MAGI2: variants seen among roughly 807,000 people sequenced by gnomAD.
MAGI2 encodes membrane associated guanylate kinase, WW and PDZ domain containing 2.
In MAGI2, 35 loss-of-function variants were observed where a neutral mutation model predicts 133.3. The ratio of observed to expected loss-of-function variants is 0.26; its 90% CI spans 0.20 to 0.35. The LOEUF (loss-of-function observed/expected upper bound fraction) is 0.35. MAGI2 is among the 10% of genes least tolerant of loss of function. MAGI2 has a pLI of 1.00. For synonymous variants in MAGI2, 729 were observed against 710.6 expected, an observed-to-expected ratio of 1.03 and a Z score of -0.41; for missense variants, 1,636 against 1,863.4, an observed-to-expected ratio of 0.88 and a Z score of 2.25.
intron 9 of MAGI2, among the ~76,000 whole-genome samples, chr7:78,269,111 AACTC>A (rs1248356731): frequency 2.6e-5 from 4 of 152,320 alleles, no homozygotes; most frequent in African/African-American, 9.6e-5. Context: ...AAAGGACATG[AACTC>A]ACTCTTTTAT....
At chr7:79,430,639 G>A (rs140808477) in intron 1 of MAGI2, among the ~76,000 whole-genome samples, 186 of 152,126 alleles carry the variant, frequency 1.2e-3, no homozygotes, top group Admixed American at 2.2e-3. Context: ...CAAAACCACC[G>A]CAGATATGTA....
chr7:78,385,408 G>A (rs1437674189), intron 6 of MAGI2, among the ~76,000 whole-genome samples: 1 of 152,150 alleles, frequency 6.6e-6, no homozygotes, highest in East Asian at 1.9e-4. Context: ...CAGTGTCAAA[G>A]GCACTGACAG....
intron 2 of MAGI2, among the ~76,000 whole-genome samples, chr7:78,674,207 T>C (rs1022747024): frequency 1.3e-5 from 2 of 150,092 alleles, no homozygotes; most frequent in African/African-American, 4.9e-5. Context: ...TGCAAATACA[T>C]GAAAAATCCA....
In MAGI2 at chr7:79,028,229, ATG is replaced by A. The variant is rs1275738402; in HGVS notation, c.302-21025_302-21024del. On this transcript the variant is annotated intron_variant, in intron 1 of 21. Coordinates refer to ENST00000354212, the MANE Select transcript of MAGI2 (RefSeq NM_012301.4). ...CCATCTCAAAAAAATATATATATAT[ATG>A]TATGTATATATATATATATATATAT... 4.0e-3 allele frequency among the ~76,000 whole-genome samples: 175 copies of A among 44,226 alleles called. 1 individual carries two copies. The highest frequency in any genetic ancestry group is 8.0e-3 in the East Asian group (11 of 1,378). The allele number at this position is 44,226 out of a possible 152,430, so 29.0% of individuals were successfully genotyped here.
chr7:78,087,247 A>G (rs997098811), intron 20 of MAGI2, among the ~76,000 whole-genome samples: 3 of 152,222 alleles, frequency 2.0e-5, no homozygotes, highest in Admixed American at 2.0e-4. Context: ...AGATGGATGA[A>G]TGTTTGAAAA....
chr7:78,888,458 G>C (rs1192533781), intron 2 of MAGI2, among the ~76,000 whole-genome samples: 2 of 152,198 alleles, frequency 1.3e-5, no homozygotes, highest in Non-Finnish European at 2.9e-5. Context: ...CCCCTGAGTA[G>C]CCTAACTGGG....
intron 2 of MAGI2, among the ~76,000 whole-genome samples, chr7:78,712,934 G>T (rs761177805): frequency 9.2e-5 from 14 of 152,102 alleles, no homozygotes; most frequent in Non-Finnish European, 1.8e-4. Context: ...GAAACTATCA[G>T]CCATCTGTAG....
intron 9 of MAGI2, among the ~76,000 whole-genome samples, chr7:78,305,978 A>G (rs1584805659): frequency 6.6e-6 from 1 of 152,208 alleles, no homozygotes; most frequent in East Asian, 1.9e-4. Context: ...CCTTTCAGAG[A>G]ACTCACATTT....
At chr7:78,492,385 A>G (rs1294844239) in intron 5 of MAGI2, among the ~76,000 whole-genome samples, 1 of 152,034 alleles carries the variant, frequency 6.6e-6, no homozygotes, top group Non-Finnish European at 1.5e-5. Flanking sequence ...ACCTCCAGTA[A>G]TTGTCTTAAA....
At chr7:78,903,404 C>A (rs938519058) in intron 2 of MAGI2, among the ~76,000 whole-genome samples, 1 of 151,692 alleles carries the variant, frequency 6.6e-6, no homozygotes, top group African/African-American at 2.4e-5. Flanking sequence ...ACCATGTTAG[C>A]CAGGATGGTC....
intron 1 of MAGI2, among the ~76,000 whole-genome samples, chr7:79,322,779 C>CA (rs57276019): frequency 5.2e-4 from 71 of 136,428 alleles, no homozygotes; most frequent in South Asian, 1.7e-3. Context: ...GAGACTGTCT[C>CA]AAAAAAAAAA....
intron 18 of MAGI2, among the ~76,000 whole-genome samples, chr7:78,128,937 T>C (rs1007422708): frequency 6.6e-6 from 1 of 152,214 alleles, no homozygotes; most frequent in East Asian, 1.9e-4. Flanking sequence ...TGCTTAACTA[T>C]GCAAATGCAT....
chr7:79,147,430 A>T (rs1308073245), intron 1 of MAGI2, among the ~76,000 whole-genome samples: 2 of 152,176 alleles, frequency 1.3e-5, no homozygotes, highest in Non-Finnish European at 2.9e-5. Context: ...CTTTAAAAGA[A>T]GTAAGCAAGC....
chr7:78,696,409 C>A (rs1817519122), intron 2 of MAGI2, among the ~76,000 whole-genome samples: 1 of 152,092 alleles, frequency 6.6e-6, no homozygotes, highest in Non-Finnish European at 1.5e-5. Context: ...AATTTAATAT[C>A]CTTGGCTGTG....
intron 3 of MAGI2, among the ~76,000 whole-genome samples, chr7:78,604,990 C>T (rs1242411868): frequency 6.6e-6 from 1 of 152,178 alleles, no homozygotes; most frequent in East Asian, 1.9e-4. Context: ...AGATTACCTC[C>T]ATTTCCTTGC....
At chr7:78,615,466 G>A (rs561394329) in intron 3 of MAGI2, 122 of 152,260 alleles carry the variant, frequency 8.0e-4, no homozygotes, top group African/African-American at 2.8e-3. Context: ...AGAGAGCAGG[G>A]GCAGAAATAG....
chr7:79,133,012 A>G (rs1038564479), intron 1 of MAGI2, among the ~76,000 whole-genome samples: 1 of 151,714 alleles, frequency 6.6e-6, no homozygotes, highest in African/African-American at 2.4e-5. Flanking sequence ...TTTTTTCTTG[A>G]TGATTCACTG....
chr7:78,750,516 C>T (rs946744190), intron 2 of MAGI2, among the ~76,000 whole-genome samples: 6 of 152,128 alleles, frequency 3.9e-5, no homozygotes, highest in African/African-American at 1.4e-4. Context: ...TTTTATATGC[C>T]AAGACTGCTC....
chr7:79,357,177 A>C (rs913686669), intron 1 of MAGI2, among the ~76,000 whole-genome samples: 1 of 152,216 alleles, frequency 6.6e-6, no homozygotes, highest in Non-Finnish European at 1.5e-5. Context: ...TTAGTAAAGA[A>C]TAACCCAAAG....
Sources: gnomAD v4.1 joint callset for allele counts (sites outside exome capture counted in the v4.1 genomes callset) on GRCh38, gnomAD v4.1.1 for gene constraint, MANE v1.5 for transcripts, NCBI Gene and HGNC (gene_info 2026-07-23, HGNC 2026-07-21) for gene names.